Variants in LRRTM4 observed in about 807,000 individuals in gnomAD.
LRRTM4 encodes the protein leucine rich repeat transmembrane neuronal 4, also known as leucine-rich repeat transmembrane neuronal protein 4.
LRRTM4 carries 25 observed loss-of-function variants against 47.6 expected under a neutral mutation model. That is an observed-to-expected ratio of 0.53 (90% CI 0.38 to 0.73). The LOEUF (loss-of-function observed/expected upper bound fraction) is 0.73, where lower values mean the gene tolerates loss of function less well. Among genes scored for constraint, LRRTM4 ranks in the 30% least tolerant of loss-of-function variants. The pLI is 0.00. For synonymous variants in LRRTM4, 311 were observed against 269.5 expected, an observed-to-expected ratio of 1.15 and a Z score of -1.51; for missense variants, 638 against 713.4, an observed-to-expected ratio of 0.89 and a Z score of 1.20.
chr2:77,358,706 C>A (rs1251936279), intron 3 of LRRTM4, among the ~76,000 whole-genome samples: 1 of 152,190 alleles, frequency 6.6e-6, no homozygotes, highest in African/African-American at 2.4e-5. Flanking sequence ...ATCATCCCAA[C>A]AACAGTGAAT....
intron 3 of LRRTM4, among the ~76,000 whole-genome samples, chr2:77,433,500 AC>A (rs1675468751): frequency 6.6e-6 from 1 of 152,216 alleles, no homozygotes; most frequent in South Asian, 2.1e-4. Flanking sequence ...TCTAAAAATG[AC>A]TAGATCTTTA....
chr2:77,283,308 T>A (rs1676557457), intron 3 of LRRTM4, among the ~76,000 whole-genome samples: 2 of 151,824 alleles, frequency 1.3e-5, no homozygotes, highest in South Asian at 4.2e-4. Flanking sequence ...ATGGCTATTA[T>A]AAAAAGTCAA....
intron 3 of LRRTM4, among the ~76,000 whole-genome samples, chr2:77,470,623 G>A (rs1475900033): frequency 1.3e-5 from 2 of 152,082 alleles, no homozygotes; most frequent in East Asian, 3.9e-4. Context: ...CCATAAAAAT[G>A]CACCCTGGTA....
chr2:76,785,199 A>C (rs1278451641), intron 3 of LRRTM4, among the ~76,000 whole-genome samples: 4 of 152,160 alleles, frequency 2.6e-5, no homozygotes, highest in African/African-American at 4.8e-5. Context: ...AATAGTCTGC[A>C]TAAAATTTAG....
At chr2:76,978,209 C>T (rs1371186394) in intron 3 of LRRTM4, among the ~76,000 whole-genome samples, 1 of 152,008 alleles carries the variant, frequency 6.6e-6, no homozygotes, top group Non-Finnish European at 1.5e-5. Flanking sequence ...CAGGACAGTT[C>T]AGCATTATAT....
rs552912837 is a variant in LRRTM4, at chr2:76,894,277, T to C, written c.1552-145361A>G. Among the ~76,000 whole-genome samples, 4 of 152,148 alleles carry C rather than the reference T, an allele frequency of 2.6e-5. No homozygotes were observed. In the South Asian group the frequency reaches 8.3e-4, roughly 32 times the overall value. ...AGAAAACCTTATGATACTTATGCAC[T>C]CATGAGAATTCAAGAGCTAATGCAT... On this transcript the variant is annotated intron_variant, in intron 3 of 3. Coordinates refer to ENST00000409884, the MANE Select transcript of LRRTM4 (RefSeq NM_001134745.3).
At chr2:77,034,213 A>T (rs1678760904) in intron 3 of LRRTM4, among the ~76,000 whole-genome samples, 1 of 151,924 alleles carries the variant, frequency 6.6e-6, no homozygotes, top group Non-Finnish European at 1.5e-5. Context: ...TACAGAAAAG[A>T]TATGCAGAAC....
At chr2:76,786,042 A>G (rs1437065037) in intron 3 of LRRTM4, among the ~76,000 whole-genome samples, 1 of 152,192 alleles carries the variant, frequency 6.6e-6, no homozygotes, top group Non-Finnish European at 1.5e-5. Flanking sequence ...TTGTGAATTC[A>G]GAAGACATAA....
At chr2:77,099,474 C>T (rs1670895393) in intron 3 of LRRTM4, among the ~76,000 whole-genome samples, 1 of 151,760 alleles carries the variant, frequency 6.6e-6, no homozygotes, top group African/African-American at 2.4e-5. Flanking sequence ...TTTATATTAA[C>T]ATATATAAGA....
At chr2:76,925,804 T>C (rs1301311545) in intron 3 of LRRTM4, among the ~76,000 whole-genome samples, 2 of 152,168 alleles carry the variant, frequency 1.3e-5, no homozygotes, top group African/African-American at 4.8e-5. Flanking sequence ...TTTTTAGGAA[T>C]ACATATGTCA....
chr2:77,046,724 G>A lies in LRRTM4; in HGVS notation c.1552-297808C>T, dbSNP rs113100338. On this transcript the variant is annotated intron_variant, in intron 3 of 3. Transcript: ENST00000409884. ...AAAAAGCATAGAGAAAAAGGCAGAA[G>A]GAGGTCTGTCCCATAGTATAGTCAC... Among the ~76,000 whole-genome samples the A allele has an allele frequency of 7.0e-3, 1,061 of 152,066 alleles. 12 individuals are homozygous for A. Among genetic ancestry groups the A allele is most frequent in the African/African-American group, 0.025 (1,023 of 41,512 alleles).
At chr2:76,795,209 A>AGAAAT (rs1237112844) in intron 3 of LRRTM4, among the ~76,000 whole-genome samples, 8 of 152,188 alleles carry the variant, frequency 5.3e-5, no homozygotes, top group Non-Finnish European at 1.2e-4. Flanking sequence ...AAATAACCAA[A>AGAAAT]GAAATTAAAT....
At chr2:76,966,675 C>G (rs528504640) in intron 3 of LRRTM4, among the ~76,000 whole-genome samples, 1 of 151,408 alleles carries the variant, frequency 6.6e-6, no homozygotes, top group Non-Finnish European at 1.5e-5. Context: ...TATTAGAATC[C>G]TGTTTAATCA....
chr2:77,282,638 A>G (rs1352207472), intron 3 of LRRTM4, among the ~76,000 whole-genome samples: 1 of 151,978 alleles, frequency 6.6e-6, no homozygotes, highest in African/African-American at 2.4e-5. Context: ...ACTGGTACAT[A>G]AACAGACACA....
At chr2:76,801,805 A>G (rs1296414016) in intron 3 of LRRTM4, among the ~76,000 whole-genome samples, 1 of 152,178 alleles carries the variant, frequency 6.6e-6, no homozygotes, top group East Asian at 1.9e-4. Flanking sequence ...CTAGGAAGCA[A>G]TGATGTGTCA....
chr2:76,921,021 C>G (rs927307930), intron 3 of LRRTM4, among the ~76,000 whole-genome samples: 74 of 152,188 alleles, frequency 4.9e-4, no homozygotes, highest in African/African-American at 1.8e-3. Flanking sequence ...CTTGTCAAAA[C>G]TAAAAAGTCA....
chr2:77,130,469 T>A (rs1242602115), intron 3 of LRRTM4, among the ~76,000 whole-genome samples: 1 of 152,154 alleles, frequency 6.6e-6, no homozygotes, highest in African/African-American at 2.4e-5. Flanking sequence ...AAACTAATGT[T>A]ATTATTTTTG....
intron 3 of LRRTM4, among the ~76,000 whole-genome samples, chr2:77,490,713 C>T (rs1434579850): frequency 6.6e-6 from 1 of 152,060 alleles, no homozygotes; most frequent in Non-Finnish European, 1.5e-5. Flanking sequence ...CGTCTGAAAG[C>T]ATCTCACATC....
At chr2:77,057,079 A>T (rs1679632942) in intron 3 of LRRTM4, among the ~76,000 whole-genome samples, 1 of 152,250 alleles carries the variant, frequency 6.6e-6, no homozygotes, top group African/African-American at 2.4e-5. Context: ...TGTATGGTCT[A>T]CAAAGCCTTA....
Sources: allele counts gnomAD v4.1 joint callset (sites outside exome capture counted in the v4.1 genomes callset), GRCh38; gene constraint gnomAD v4.1.1; transcripts MANE v1.5; gene names NCBI Gene and HGNC (gene_info 2026-07-23, HGNC 2026-07-21).